Variants in PITPNA observed in about 807,000 individuals in gnomAD.
PITPNA encodes the protein phosphatidylinositol transfer protein alpha.
In PITPNA, 13 loss-of-function variants were observed where a neutral mutation model predicts 50.3. The ratio of observed to expected loss-of-function variants is 0.26; its 90% CI spans 0.17 to 0.41. PITPNA has a LOEUF of 0.41. Ranked by LOEUF, PITPNA falls within the 10% of genes least tolerant of loss-of-function variation. The pLI, the probability that PITPNA is intolerant of heterozygous loss-of-function variation, is 1.00. For missense variants in PITPNA, 207 were observed against 333.4 expected, an observed-to-expected ratio of 0.62 and a Z score of 2.95; for synonymous variants, 120 against 119.6, an observed-to-expected ratio of 1.00 and a Z score of -0.02.
At position 1,562,210 on chromosome 17, in the gene PITPNA, C is replaced by A. The variant is rs1030637230; in HGVS notation, c.20+331G>T. Among the ~76,000 whole-genome samples the A allele has an allele frequency of 2.6e-5, 4 of 152,108 alleles. No individual in the cohort carries two copies. The highest frequency in any genetic ancestry group is 1.9e-4 in the East Asian group (1 of 5,176). On this transcript the variant is annotated intron_variant, in intron 1 of 11. Coordinates refer to ENST00000313486, the MANE Select transcript of PITPNA (RefSeq NM_006224.4). The surrounding 1 kb of genome is among the most constrained non-coding windows in gnomAD (Gnocchi z 6.4). ...CCGGGGCGCCTGAGGAGCCGTCCGC[C>A]CGGGTTGTCCCTCCGTGCCCGTGGG...
At chr17:1,531,349 C>A (rs745685486) in intron 10 of PITPNA, among the ~76,000 whole-genome samples, 5 of 151,824 alleles carry the variant, frequency 3.3e-5, no homozygotes, top group African/African-American at 1.2e-4. Flanking sequence ...ATGTAACTAC[C>A]GAGTACCCTG....
At position 1,559,351 on chromosome 17, in the gene PITPNA, C is replaced by T. The variant is rs112837854; in HGVS notation, c.21-792G>A. ...GCCACCAGCAACCTATTGGAGAAGCCGTGGCCGGCAAAGTCTCCGCCAGGG... is the reference window on the plus strand; with the variant it reads ...GCCACCAGCAACCTATTGGAGAAGCTGTGGCCGGCAAAGTCTCCGCCAGGG... On this transcript the variant is annotated intron_variant, in intron 1 of 11. Transcript: ENST00000313486. Among the ~76,000 whole-genome samples the T allele has an allele frequency of 1.1e-3, 162 of 152,306 alleles. 2 individuals carry two copies. The highest frequency in any genetic ancestry group is 3.6e-3 in the African/African-American group (148 of 41,572).
Position 1,562,602 on chromosome 17 carries a change from T to C in PITPNA, c.-42A>G. 8.1e-7 allele frequency: 1 copy of C among 1,227,598 alleles called. No individual in the cohort carries two copies. The highest frequency in any genetic ancestry group is 3.1e-5 in the South Asian group (1 of 31,970). 76.0% of individuals were successfully genotyped at this position (1,227,598 alleles called of 1,614,324 possible). On this transcript the variant is annotated 5_prime_UTR_variant, in exon 1 of 12. Coordinates refer to ENST00000313486, the MANE Select transcript of PITPNA (RefSeq NM_006224.4). This position sits in a 1 kb window ranked among gnomAD's most constrained non-coding sequence, Gnocchi z 6.4. ...GTGGCTGCCCGCGGCCCGCCCGGCCTCCCGCCCGCTGCCCGCCGGCCGCTC... is the reference window on the plus strand; with the variant it reads ...GTGGCTGCCCGCGGCCCGCCCGGCCCCCCGCCCGCTGCCCGCCGGCCGCTC...
In PITPNA at chr17:1,557,286, G is replaced by T. The variant is rs531536162; in HGVS notation, c.51+1243C>A. Among the ~76,000 whole-genome samples the T allele has an allele frequency of 3.9e-5, 6 of 152,318 alleles. No homozygotes were observed. The East Asian group carries it at 9.6e-4, about 24-fold the overall frequency. ...CAGTGTCTGCCCACCCCTCTCGGGG[G>T]CCAACAAGCCTGGATGTCTGTCTCA... is the stretch of plus-strand genomic sequence containing the variant. On this transcript the variant is annotated intron_variant, in intron 2 of 11. Transcript: ENST00000313486.
Position 1,553,094 on chromosome 17 carries a change from C to A in PITPNA, c.107G>T (p.Gly36Val). 6.2e-7 allele frequency: 1 copy of A among 1,613,978 alleles called. No individual in the cohort carries two copies. Among genetic ancestry groups the A allele is most frequent in the Non-Finnish European group, 8.5e-7 (1 of 1,179,862 alleles). ...VAEASKNETG[G>V]GEGVEVLVNE... ...CACCAGGACCTCCACGCCTTCGCCACCACCCGTTTCATTTTTACTGGCCTC... is the reference window on the plus strand; with the variant it reads ...CACCAGGACCTCCACGCCTTCGCCAACACCCGTTTCATTTTTACTGGCCTC... The change falls in exon 3 of 12, where the codon GGT becomes GTT. Residue 36 changes from glycine to valine, a missense_variant. Gly to Val is a moderately radical substitution (Grantham distance 109). Transcript: ENST00000313486.
intron 10 of PITPNA, among the ~76,000 whole-genome samples, chr17:1,523,129 C>A (rs1351642862): frequency 6.7e-6 from 1 of 150,024 alleles, no homozygotes; most frequent in Non-Finnish European, 1.5e-5. Context: ...ACCAAGTGGT[C>A]CCTGTCACTG....
intron 2 of PITPNA, among the ~76,000 whole-genome samples, chr17:1,557,832 A>G (rs1213375400): frequency 6.6e-6 from 1 of 152,198 alleles, no homozygotes; most frequent in Non-Finnish European, 1.5e-5. Context: ...GAGAGCCTCA[A>G]GAGATTTCCT....
chr17:1,541,522 G>A (rs1040332644), intron 6 of PITPNA, 44 bp downstream of exon 6: 1 of 1,376,502 alleles, frequency 7.3e-7, no homozygotes, highest in African/African-American at 1.4e-5. Context: ...ACAAGGCAGA[G>A]ACTCAAGACC....
chr17:1,541,664 T>C (rs761451155), intron 5 of PITPNA, 24 bp from the exon 6 acceptor site: 18 of 1,465,324 alleles, frequency 1.2e-5, no homozygotes, highest in African/African-American at 5.5e-5. Context: ...AAAAAATACA[T>C]GAAAGTCACT....
intron 9 of PITPNA, among the ~76,000 whole-genome samples, chr17:1,534,852 A>C (rs2075605033): frequency 6.6e-6 from 1 of 152,226 alleles, no homozygotes; most frequent in South Asian, 2.1e-4. Context: ...AAACCGTAAG[A>C]CATTTCAGTG....
chr17:1,538,624 AC>A (rs2075631419), intron 7 of PITPNA: 1 of 406,554 alleles, frequency 2.5e-6, no homozygotes, highest in Non-Finnish European at 4.4e-6. Flanking sequence ...TAGCTACAAT[AC>A]CTACTTAGTC....
intron 4 of PITPNA, among the ~76,000 whole-genome samples, chr17:1,544,793 C>T (rs538326515): frequency 1.3e-5 from 2 of 152,254 alleles, no homozygotes; most frequent in East Asian, 3.9e-4. Context: ...TAAAAATTAG[C>T]CGGGTGTGGT....
chr17:1,543,021 G>T lies in PITPNA; in HGVS notation c.296C>A (p.Thr99Lys). ...TCCAACCCCCTTGACAATACTTACT[G>T]TAATAACTGCTCCGAGGCAAGGACA... The part of the protein sequence containing the change: ...NAYPYCRTVI[T>K]NEYMKEDFLI... The change falls in exon 5 of 12, where the codon ACA becomes AAA. Residue 99 changes from threonine (T) to lysine (K), a missense_variant and splice_region_variant. Thr to Lys is a moderately conservative substitution (Grantham distance 78). Coordinates refer to ENST00000313486, the MANE Select transcript of PITPNA (RefSeq NM_006224.4). The T allele has an allele frequency of 6.3e-7, 1 of 1,586,974 alleles. No individual in the cohort carries two copies. The highest frequency in any genetic ancestry group is 8.5e-7 in the Non-Finnish European group (1 of 1,170,478).
At chr17:1,523,350 T>G (rs925451061) in intron 10 of PITPNA, among the ~76,000 whole-genome samples, 1 of 139,592 alleles carries the variant, frequency 7.2e-6, no homozygotes. Flanking sequence ...CTAGACTGTA[T>G]TGTTTTGTTT....
At position 1,540,623 on chromosome 17, in the gene PITPNA, C is replaced by G. The variant is rs2075643485; in HGVS notation, c.372+943G>C. Among the ~76,000 whole-genome samples, 5 of 151,106 alleles carry G rather than the reference C, an allele frequency of 3.3e-5. No individual in the cohort carries two copies. The South Asian group carries it at 1.0e-3, about 32-fold the overall frequency. ...TTTTTTTTTAAGACAGTGTCTCGCT[C>G]TGTCACCCAAGTTGGAGTACAGTGG... On this transcript the variant is annotated intron_variant, in intron 6 of 11. Transcript: ENST00000313486.
chr17:1,554,310 G>A (rs751113406), intron 2 of PITPNA, among the ~76,000 whole-genome samples: 1 of 152,106 alleles, frequency 6.6e-6, no homozygotes, highest in Non-Finnish European at 1.5e-5. Flanking sequence ...CATGCTGGGG[G>A]GTGGAGGGGG....
chr17:1,548,280 C>A lies in PITPNA; in HGVS notation c.289+16G>T. Reference sequence around the variant, plus strand: ...GCCCGCCCCTGCCTGGCCGACGTGGCCCCGGCTGCACTCACCGGTTCTGCA... The same window carrying A: ...GCCCGCCCCTGCCTGGCCGACGTGGACCCGGCTGCACTCACCGGTTCTGCA... On this transcript the variant is annotated intron_variant, in intron 4 of 11. Coordinates refer to ENST00000313486, the MANE Select transcript of PITPNA (RefSeq NM_006224.4). The A allele has an allele frequency of 6.4e-7, 1 of 1,565,498 alleles. No homozygotes were observed. Among genetic ancestry groups the A allele is most frequent in the South Asian group, 1.1e-5 (1 of 87,944 alleles).
intron 4 of PITPNA, among the ~76,000 whole-genome samples, chr17:1,546,692 GT>G (rs965420366): frequency 3.3e-5 from 5 of 152,150 alleles, no homozygotes; most frequent in Non-Finnish European, 5.9e-5. Context: ...ACTCCCCAGG[GT>G]TATGAATCAG....
In PITPNA at chr17:1,517,974, C is replaced by T. The variant is rs1230510442; in HGVS notation, c.*2587G>A. ...CAGCTGGAAAATGGACATCACCAAA[C>T]TGGACTCCAGAAAGTTCTGTCTAGG... is the stretch of plus-strand genomic sequence containing the variant. On this transcript the variant is annotated 3_prime_UTR_variant, in exon 12 of 12. Transcript: ENST00000313486. The T allele has an allele frequency of 6.6e-6, 1 of 152,624 alleles. No homozygotes were observed. The highest frequency in any genetic ancestry group is 1.5e-5 in the Non-Finnish European group (1 of 68,030). The allele number at this position is 152,624 out of a possible 1,614,324, so 9.5% of individuals were successfully genotyped here.
Sources: allele counts gnomAD v4.1 joint callset (sites outside exome capture counted in the v4.1 genomes callset), GRCh38; gene constraint gnomAD v4.1.1; non-coding constraint Gnocchi (gnomAD v3.1); transcripts MANE v1.5; gene names NCBI Gene and HGNC (gene_info 2026-07-23, HGNC 2026-07-21).